The following CHD9 variants were observed in gnomAD, a reference collection of about 807,000 sequenced individuals.
CHD9 encodes chromodomain helicase DNA binding protein 9, also known as ATP-dependent chromatin remodeler CHD9.
CHD9 carries 77 observed loss-of-function variants against 316.1 expected under a neutral mutation model. The observed-to-expected ratio is 0.24, with a 90% confidence interval of 0.20 to 0.29. CHD9 has a LOEUF of 0.29. Among genes scored for constraint, CHD9 ranks in the 10% least tolerant of loss-of-function variants. CHD9 has a pLI of 1.00. For synonymous variants in CHD9, 1,129 were observed against 1,158.3 expected, an observed-to-expected ratio of 0.97 and a Z score of 0.51; for missense variants, 2,763 against 3,438.1, an observed-to-expected ratio of 0.80 and a Z score of 4.91.
At chr16:53,233,311 G>A (rs150287230) in intron 10 of CHD9, among the ~76,000 whole-genome samples, 1 of 152,274 alleles carries the variant, frequency 6.6e-6, no homozygotes, top group Non-Finnish European at 1.5e-5. Context: ...TATTCCTAAG[G>A]ATATTTTAAA....
At chr16:53,199,776 T>TA (rs1378442211) in intron 2 of CHD9, among the ~76,000 whole-genome samples, 1 of 152,204 alleles carries the variant, frequency 6.6e-6, no homozygotes, top group East Asian at 1.9e-4. Context: ...CATTAAACTA[T>TA]TCTTACCATA....
intron 29 of CHD9, among the ~76,000 whole-genome samples, chr16:53,294,010 A>G (rs2054577326): frequency 6.6e-6 from 1 of 152,172 alleles, no homozygotes. Flanking sequence ...CCATTCTATC[A>G]TATTTTACAT....
chr16:53,269,400 C>T (rs2052008478), intron 22 of CHD9, among the ~76,000 whole-genome samples: 1 of 152,252 alleles, frequency 6.6e-6, no homozygotes, highest in South Asian at 2.1e-4. Context: ...ACAAGATAGA[C>T]AAGATCCCTG....
intron 24 of CHD9, among the ~76,000 whole-genome samples, chr16:53,276,466 A>G (rs1181758765): frequency 6.6e-6 from 1 of 152,014 alleles, no homozygotes; most frequent in Non-Finnish European, 1.5e-5. Context: ...CCACCCTCCA[A>G]CTACCACCCT....
chr16:53,229,280 G>T (rs1049926553), intron 8 of CHD9, among the ~76,000 whole-genome samples, 180 bp downstream of exon 8: 1 of 152,066 alleles, frequency 6.6e-6, no homozygotes, highest in Non-Finnish European at 1.5e-5. Flanking sequence ...TTTGAAACAG[G>T]AACACTGATA....
intron 1 of CHD9, among the ~76,000 whole-genome samples, chr16:53,120,155 C>G (rs2038629683): frequency 6.6e-6 from 1 of 152,050 alleles, no homozygotes; most frequent in African/African-American, 2.4e-5. Flanking sequence ...TCGCTTGAGC[C>G]CAGGACTTGG....
At chr16:53,061,136 A>G (rs914213495) in intron 1 of CHD9, among the ~76,000 whole-genome samples, 1 of 152,046 alleles carries the variant, frequency 6.6e-6, no homozygotes, top group Admixed American at 6.6e-5. Context: ...CATGTTGGCC[A>G]GGCTGGTCTC....
At chr16:53,255,510 C>G in intron 18 of CHD9, 90 bp from the exon 19 acceptor site, 2 of 1,165,102 alleles carry the variant, frequency 1.7e-6, no homozygotes, top group Non-Finnish European at 2.5e-6. Flanking sequence ...TTAAGCATGC[C>G]TCTTGTGTTC....
At chr16:53,210,051 G>T (rs1467638262) in intron 3 of CHD9, among the ~76,000 whole-genome samples, 1 of 152,006 alleles carries the variant, frequency 6.6e-6, no homozygotes, top group African/African-American at 2.4e-5. Flanking sequence ...TATTAAAAGG[G>T]ATTTAAAGTA....
chr16:53,198,558 C>T (rs542901477), intron 2 of CHD9, among the ~76,000 whole-genome samples: 2 of 151,544 alleles, frequency 1.3e-5, no homozygotes, highest in Non-Finnish European at 1.5e-5. Flanking sequence ...AATCTCCTGA[C>T]CTTGTGATCC....
intron 1 of CHD9, among the ~76,000 whole-genome samples, chr16:53,149,549 TTCTCTC>T (rs527417988): frequency 6.6e-6 from 1 of 151,080 alleles, no homozygotes; most frequent in Admixed American, 6.6e-5. Context: ...CTTGTAACCT[TTCTCTC>T]TCTGTCTCTC....
intron 24 of CHD9, among the ~76,000 whole-genome samples, chr16:53,278,434 A>G (rs2053078539): frequency 6.6e-6 from 1 of 152,202 alleles, no homozygotes; most frequent in Non-Finnish European, 1.5e-5. Context: ...GGAACAGAAT[A>G]GAGAACCAAG....
intron 24 of CHD9, among the ~76,000 whole-genome samples, chr16:53,280,329 T>A (rs1374562723): frequency 6.6e-6 from 1 of 152,178 alleles, no homozygotes; most frequent in Non-Finnish European, 1.5e-5. Context: ...GTATATATGA[T>A]GGAATACTAC....
chr16:53,132,723 C>T (rs922109821), intron 1 of CHD9, among the ~76,000 whole-genome samples: 1 of 148,504 alleles, frequency 6.7e-6, no homozygotes, highest in African/African-American at 2.5e-5. Context: ...AAATAAAAGA[C>T]TTCTATTGCT....
Position 53,324,149 on chromosome 16 carries a change from G to A in CHD9, c.7948G>A (p.Ala2650Thr). Residue 2650 changes from alanine to threonine, a missense_variant, in exon 39 of 39, where the codon GCC becomes ACC. Ala to Thr is a moderately conservative substitution (Grantham distance 58, BLOSUM62 0). This residue lies in a region of CHD9 where 298 missense variants were observed against 380.2 expected (regional missense o/e 0.78). Transcript: ENST00000447540. ...CACAGCAGCAGCAGCTGCTGCATCT[G>A]CCACCAGTGTTTCAGGCAATCCTTT... ...KATAAAAAAS[A>T]TSVSGNPLLA... 6.2e-7 allele frequency: 1 copy of A among 1,613,998 alleles called. No individual in the cohort carries two copies. Among genetic ancestry groups the A allele is most frequent in the Non-Finnish European group, 8.5e-7 (1 of 1,179,874 alleles).
chr16:53,141,636 A>G (rs1451599288), intron 1 of CHD9, among the ~76,000 whole-genome samples: 1 of 152,216 alleles, frequency 6.6e-6, no homozygotes, highest in Non-Finnish European at 1.5e-5. Context: ...CTGAAAGCGT[A>G]TGAGTATTTA....
At chr16:53,061,013 C>A (rs1008147234) in intron 1 of CHD9, among the ~76,000 whole-genome samples, 1 of 150,582 alleles carries the variant, frequency 6.6e-6, no homozygotes, top group Non-Finnish European at 1.5e-5. Flanking sequence ...GCAACCTCCG[C>A]CCCCCCGGGT....
intron 10 of CHD9, among the ~76,000 whole-genome samples, chr16:53,232,577 C>T (rs2048273424): frequency 6.6e-6 from 1 of 151,992 alleles, no homozygotes; most frequent in African/African-American, 2.4e-5. Flanking sequence ...TGCCAGTATA[C>T]TGCTGTTAAA....
chr16:53,112,513 G>A (rs1028264051), intron 1 of CHD9, among the ~76,000 whole-genome samples: 1 of 152,190 alleles, frequency 6.6e-6, no homozygotes, highest in Non-Finnish European at 1.5e-5. Flanking sequence ...GTAGATATAT[G>A]CCAAGCATGT....
Sources: gnomAD v4.1 joint callset for allele counts (sites outside exome capture counted in the v4.1 genomes callset) on GRCh38, gnomAD v4.1.1 for gene constraint, gnomAD v4.1.1 regional missense constraint, MANE v1.5 for transcripts, NCBI Gene and HGNC (gene_info 2026-07-23, HGNC 2026-07-21) for gene names.